The following GNAT3 variants were observed in gnomAD, a reference collection of about 807,000 sequenced individuals.
GNAT3 encodes G protein subunit alpha transducin 3, also known as guanine nucleotide-binding protein G(t) subunit alpha-3.
A neutral mutation model predicts 37.7 loss-of-function variants in GNAT3; 31 were observed. That is an observed-to-expected ratio of 0.82 (90% confidence interval 0.62 to 1.11). The LOEUF (loss-of-function observed/expected upper bound fraction) is 1.11. GNAT3 is among the 50% of genes most tolerant of loss of function. The pLI is 0.00. For missense variants in GNAT3, 437 were observed against 412.5 expected (o/e 1.06, Z -0.51); for synonymous variants, 138 against 139.8 (o/e 0.99, Z 0.09).
intron 1 of GNAT3, among the ~76,000 whole-genome samples, chr7:80,498,420 C>T (rs1343742922): frequency 6.6e-6 from 1 of 152,062 alleles, no homozygotes; most frequent in Non-Finnish European, 1.5e-5. Flanking sequence ...CTGTACCATC[C>T]TTGCTTTATG....
intron 5 of GNAT3, among the ~76,000 whole-genome samples, chr7:80,470,013 T>C (rs1790182810): frequency 6.6e-6 from 1 of 152,180 alleles, no homozygotes; most frequent in Admixed American, 6.5e-5. Context: ...TTCCAAATTT[T>C]ATTGTTTAAA....
At chr7:80,481,287 TC>T (rs1364377621) in intron 3 of GNAT3, among the ~76,000 whole-genome samples, 4 of 152,102 alleles carry the variant, frequency 2.6e-5, no homozygotes, top group Non-Finnish European at 5.9e-5. Context: ...GCAACAGAAT[TC>T]TAAGCCCCGC....
intron 1 of GNAT3, among the ~76,000 whole-genome samples, chr7:80,498,339 T>A (rs1008064719): frequency 2.6e-5 from 4 of 152,122 alleles, no homozygotes; most frequent in Non-Finnish European, 5.9e-5. Context: ...TTTTTAAAAA[T>A]GGCATGTACT....
chr7:80,467,161 T>G (rs1414623060), intron 5 of GNAT3, among the ~76,000 whole-genome samples: 2 of 152,100 alleles, frequency 1.3e-5, no homozygotes, highest in African/African-American at 2.4e-5. Context: ...TCATGCAGCT[T>G]CTAATAAACA....
At chr7:80,491,487 A>G (rs1390137045) in intron 2 of GNAT3, among the ~76,000 whole-genome samples, 2 of 152,212 alleles carry the variant, frequency 1.3e-5, no homozygotes, top group African/African-American at 4.8e-5. Flanking sequence ...ATGAAGGTGC[A>G]GAGTAAGTAG....
intron 5 of GNAT3, among the ~76,000 whole-genome samples, chr7:80,464,143 T>C (rs1790096873): frequency 1.3e-5 from 2 of 148,162 alleles, no homozygotes; most frequent in Non-Finnish European, 3.0e-5. Context: ...TCCTATAGGA[T>C]ATCCAAAATG....
At chr7:80,472,588 G>C (rs1790238630) in intron 5 of GNAT3, among the ~76,000 whole-genome samples, 1 of 152,138 alleles carries the variant, frequency 6.6e-6, no homozygotes, top group African/African-American at 2.4e-5. Context: ...TAATTTTTGA[G>C]AGTGATCATT....
At chr7:80,500,387 G>A (rs1313835574) in intron 1 of GNAT3, among the ~76,000 whole-genome samples, 2 of 151,766 alleles carry the variant, frequency 1.3e-5, no homozygotes, top group East Asian at 1.9e-4. Context: ...GCTTATTTGC[G>A]GCAAGCATTT....
chr7:80,473,262 C>T (rs773840702), intron 5 of GNAT3, among the ~76,000 whole-genome samples: 7 of 152,010 alleles, frequency 4.6e-5, no homozygotes, highest in African/African-American at 9.7e-5. Context: ...AATTTAGATA[C>T]GAATTTTGAA....
At position 80,494,601 on chromosome 7, in the gene GNAT3, C is replaced by T. The variant is rs759104812; in HGVS notation, c.161+4G>A. ...TTAAACACTTGAGACAGATGTATAC[C>T]TACTTCATTTGTTTAACAATAGTAC... On this transcript the variant is annotated splice_donor_region_variant and intron_variant, in intron 2 of 7. Transcript: ENST00000398291. The T allele has an allele frequency of 4.1e-6, 6 of 1,479,726 alleles. No homozygotes were observed. Among genetic ancestry groups the T allele is most frequent in the Non-Finnish European group, 5.6e-6 (6 of 1,074,104 alleles). 91.7% of individuals were successfully genotyped at this position (1,479,726 alleles called of 1,614,324 possible).
intron 7 of GNAT3, among the ~76,000 whole-genome samples, chr7:80,461,201 T>C (rs189205084): frequency 7.9e-5 from 12 of 152,216 alleles, no homozygotes; most frequent in African/African-American, 2.9e-4. Context: ...CCTAGTAACA[T>C]CTGGGCAACC....
intron 2 of GNAT3, 78 bp from the exon 3 acceptor site, chr7:80,488,754 G>C: frequency 8.4e-6 from 9 of 1,072,322 alleles, no homozygotes; most frequent in Non-Finnish European, 1.2e-5. Flanking sequence ...TAAGTTGCTT[G>C]AATAAAATTA....
chr7:80,464,469 T>C (rs1790101075), intron 5 of GNAT3, among the ~76,000 whole-genome samples: 1 of 152,140 alleles, frequency 6.6e-6, no homozygotes, highest in Non-Finnish European at 1.5e-5. Context: ...ATGAGAAATG[T>C]AGATTTCATA....
chr7:80,499,697 G>A (rs1041294562), intron 1 of GNAT3, among the ~76,000 whole-genome samples: 2 of 152,130 alleles, frequency 1.3e-5, no homozygotes, highest in Admixed American at 6.6e-5. Flanking sequence ...TTTATGGAGT[G>A]ACATCAAAAT....
Position 80,466,221 on chromosome 7 carries a change from A to C in GNAT3, c.591-3590T>G, listed in dbSNP as rs144962878. 2.4e-3 allele frequency among the ~76,000 whole-genome samples: 366 copies of C among 152,260 alleles called. 11 individuals carry two copies. In the East Asian group the frequency reaches 0.058, roughly 24 times the overall value. ...TCCACAGCAGTGATGGCAGGGCTGTAGGAATCGAATTCTAGGATGCCTCAG... is the reference window on the plus strand; with the variant it reads ...TCCACAGCAGTGATGGCAGGGCTGTCGGAATCGAATTCTAGGATGCCTCAG... On this transcript the variant is annotated intron_variant, in intron 5 of 7. Transcript: ENST00000398291.
At chr7:80,494,692 T>G (rs765545751) in intron 1 of GNAT3, 45 bp from the exon 2 acceptor site, 2 of 1,069,046 alleles carry the variant, frequency 1.9e-6, no homozygotes, top group Non-Finnish European at 2.8e-6. Flanking sequence ...ATACCAAATT[T>G]GAATAGATAT....
In GNAT3 at chr7:80,488,534, C is replaced by T; in HGVS notation, c.303+1G>A. On this transcript the variant is annotated splice_donor_variant, in intron 3 of 7. Coordinates refer to ENST00000398291, the MANE Select transcript of GNAT3 (RefSeq NM_001102386.3). LOFTEE classifies it high-confidence loss of function. ...ACAGCTGTCATTATTTGCATACTTA[C>T]TGCACTTCTGGGATTTACATAATCA... 1.9e-6 allele frequency: 3 copies of T among 1,599,308 alleles called. No homozygotes were observed. The highest frequency in any genetic ancestry group is 2.3e-5 in the East Asian group (1 of 44,420).
intron 7 of GNAT3, among the ~76,000 whole-genome samples, chr7:80,461,131 A>T (rs983183104): frequency 1.3e-5 from 2 of 151,946 alleles, no homozygotes; most frequent in African/African-American, 4.8e-5. Context: ...TAGAAAAAAG[A>T]TATAAGCCCT....
chr7:80,471,490 C>T (rs371467712), intron 5 of GNAT3, among the ~76,000 whole-genome samples: 3 of 151,878 alleles, frequency 2.0e-5, no homozygotes, highest in East Asian at 1.9e-4. Flanking sequence ...TGAGGATTTA[C>T]GTGTTTATTG....
Sources: allele counts gnomAD v4.1 joint callset (sites outside exome capture counted in the v4.1 genomes callset), GRCh38; gene constraint gnomAD v4.1.1; transcripts MANE v1.5; gene names NCBI Gene and HGNC (gene_info 2026-07-23, HGNC 2026-07-21).